LRMDA: variants seen among roughly 807,000 people sequenced by gnomAD.
LRMDA encodes leucine-rich melanocyte differentiation-associated protein.
In LRMDA, 18 loss-of-function variants were observed where a neutral mutation model predicts 29.8. The observed-to-expected ratio is 0.60, with a 90% CI of 0.42 to 0.90. The LOEUF is 0.90. LRMDA is among the 40% of genes least tolerant of loss of function. LRMDA has a pLI of 0.00. For missense variants in LRMDA, 273 were observed against 273.9 expected (o/e 1.00, Z 0.02); for synonymous variants, 125 against 109.4 (o/e 1.14, Z -0.89).
At chr10:76,117,964 A>G (rs145755583) in intron 5 of LRMDA, among the ~76,000 whole-genome samples, 154 of 152,296 alleles carry the variant, frequency 1.0e-3, no homozygotes, top group African/African-American at 3.4e-3. Context: ...AACCCACAAT[A>G]AAACCTCATC....
rs572435423 is a variant in LRMDA at position 76,358,654 on chromosome 10, TC to T, written c.601+34172del. The stretch of plus-strand genomic sequence containing the variant: ...CTCTATCAGAGGAGCTGAACAAGAG[TC>T]CCATTAAAATGCTGGTGAAATAATT... On this transcript the variant is annotated intron_variant, in intron 6 of 6. Coordinates refer to ENST00000611255, the MANE Select transcript of LRMDA (RefSeq NM_001305581.2). Among the ~76,000 whole-genome samples, 535 of 152,166 alleles carry T rather than the reference TC, an allele frequency of 3.5e-3. 3 individuals carry two copies. The highest frequency in any genetic ancestry group is 0.011 in the African/African-American group (464 of 41,514).
Position 76,036,467 on chromosome 10 carries a change from G to A in LRMDA, c.258+333G>A, listed in dbSNP as rs148385967. ...AGAAAATAATGTCACCGCTGCAGAG[G>A]CAGCGAAGCCCAGTCTGTTTGCTTG... is the stretch of plus-strand genomic sequence containing the variant. On this transcript the variant is annotated intron_variant, in intron 3 of 6. Transcript: ENST00000611255. 7.1e-3 allele frequency among the ~76,000 whole-genome samples: 1,088 copies of A among 152,314 alleles called. 20 individuals are homozygous for A. Among genetic ancestry groups the A allele is most frequent in the African/African-American group, 0.023 (973 of 41,574 alleles).
At chr10:75,811,336 C>A (rs894666953) in intron 2 of LRMDA, among the ~76,000 whole-genome samples, 5 of 152,110 alleles carry the variant, frequency 3.3e-5, no homozygotes, top group Non-Finnish European at 5.9e-5. Flanking sequence ...GTGGTCATAG[C>A]AACATCTTGC....
chr10:76,536,907 T>C (rs1346144684), intron 6 of LRMDA, among the ~76,000 whole-genome samples: 1 of 152,236 alleles, frequency 6.6e-6, no homozygotes, highest in African/African-American at 2.4e-5. Context: ...CCTGAATTAC[T>C]ATGTTGGTGC....
chr10:76,424,203 AC>A (rs1842099752), intron 6 of LRMDA, among the ~76,000 whole-genome samples: 1 of 152,158 alleles, frequency 6.6e-6, no homozygotes, highest in African/African-American at 2.4e-5. Flanking sequence ...TGATCTAGTG[AC>A]CCTCATGAAT....
chr10:75,806,442 AT>A (rs1403303096), intron 2 of LRMDA, among the ~76,000 whole-genome samples: 9 of 152,334 alleles, frequency 5.9e-5, no homozygotes, highest in East Asian at 3.9e-4. Flanking sequence ...AAGGAGAGAT[AT>A]TCCTCTGTAA....
chr10:75,556,637 A>G lies in LRMDA; in HGVS notation c.131+118143A>G, dbSNP rs374939799. ...TGATTTTTAAAAAATCTACATGGCT[A>G]TTTAGCCCCTGAACTCTGACATTGT... On this transcript the variant is annotated intron_variant, in intron 2 of 6. Transcript: ENST00000611255. 1.7e-4 allele frequency among the ~76,000 whole-genome samples: 26 copies of G among 152,104 alleles called. No homozygotes were observed. The South Asian group carries it at 5.2e-3, about 30-fold the overall frequency.
At chr10:76,292,961 G>A (rs184683510) in intron 5 of LRMDA, among the ~76,000 whole-genome samples, 21 of 152,268 alleles carry the variant, frequency 1.4e-4, no homozygotes, top group Non-Finnish European at 2.4e-4. Flanking sequence ...GGGAAACAGT[G>A]TGTGTATTTA....
intron 5 of LRMDA, among the ~76,000 whole-genome samples, chr10:76,244,767 C>T (rs984821840): frequency 7.9e-5 from 12 of 152,082 alleles, no homozygotes; most frequent in Non-Finnish European, 1.2e-4. Flanking sequence ...CCTAGAAAGT[C>T]GTGATTGATT....
At chr10:75,613,569 C>T (rs1306636655) in intron 2 of LRMDA, among the ~76,000 whole-genome samples, 1 of 152,212 alleles carries the variant, frequency 6.6e-6, no homozygotes, top group East Asian at 1.9e-4. Flanking sequence ...GAGGATTCTG[C>T]AGCACCTTTA....
intron 2 of LRMDA, among the ~76,000 whole-genome samples, chr10:75,819,981 T>C (rs188262343): frequency 2.1e-4 from 32 of 152,306 alleles, no homozygotes; most frequent in Middle Eastern, 3.4e-3. Flanking sequence ...ATTCTAAATA[T>C]ACATGCACCA....
At chr10:76,142,373 G>C (rs1032581339) in intron 5 of LRMDA, among the ~76,000 whole-genome samples, 1 of 152,076 alleles carries the variant, frequency 6.6e-6, no homozygotes, top group Admixed American at 6.5e-5. Flanking sequence ...GTCCTCTTCA[G>C]TGTAATCATT....
chr10:75,783,536 G>A (rs939785368), intron 2 of LRMDA, among the ~76,000 whole-genome samples: 4 of 151,334 alleles, frequency 2.6e-5, no homozygotes, highest in Non-Finnish European at 5.9e-5. Flanking sequence ...TTATAGGATA[G>A]GGTATCTACT....
rs192831112 is a variant in LRMDA, at chr10:75,692,468, C to T, written c.131+253974C>T. Among the ~76,000 whole-genome samples, 490 of 150,396 alleles carry T rather than the reference C, an allele frequency of 3.3e-3. 3 individuals carry two copies. The highest frequency in any genetic ancestry group is 9.9e-3 in the African/African-American group (407 of 41,048). On this transcript the variant is annotated intron_variant, in intron 2 of 6. Transcript: ENST00000611255. ...ATATGTATATACAAGTGTATACACA[C>T]ATACACATACACACGTATACATATA...
intron 2 of LRMDA, among the ~76,000 whole-genome samples, chr10:75,827,743 A>G (rs902603878): frequency 4.6e-5 from 7 of 152,228 alleles, no homozygotes; most frequent in Non-Finnish European, 4.4e-5. Context: ...AATGTACGTT[A>G]TCCATCTTGT....
At chr10:75,807,880 A>G (rs1040643833) in intron 2 of LRMDA, among the ~76,000 whole-genome samples, 2 of 152,314 alleles carry the variant, frequency 1.3e-5, no homozygotes, top group East Asian at 1.9e-4. Context: ...TTTCTGAGCA[A>G]TGGACATATT....
chr10:75,480,520 A>T (rs539620662), intron 2 of LRMDA, among the ~76,000 whole-genome samples: 9 of 152,376 alleles, frequency 5.9e-5, no homozygotes, highest in Non-Finnish European at 1.0e-4. Context: ...TGGGAGCTGA[A>T]GAGTGATTCA....
chr10:75,830,953 T>A (rs1013300391), intron 2 of LRMDA, among the ~76,000 whole-genome samples: 9 of 152,194 alleles, frequency 5.9e-5, no homozygotes, highest in Non-Finnish European at 1.3e-4. Flanking sequence ...AGTACAGGAA[T>A]TGGGTAAATA....
At chr10:76,379,161 TTGTGTGTGTGTGTGTGTGTG>T (rs57245101) in intron 6 of LRMDA, among the ~76,000 whole-genome samples, 1 of 137,932 alleles carries the variant, frequency 7.2e-6, no homozygotes, top group African/African-American at 2.7e-5. Context: ...CTGGCCTTCT[TTGTGTGTGTGTGTGTGTGTG>T]TGTGTGTGTG....
Sources: allele counts gnomAD v4.1 joint callset (sites outside exome capture counted in the v4.1 genomes callset), GRCh38; gene constraint gnomAD v4.1.1; transcripts MANE v1.5; gene names NCBI Gene and HGNC (gene_info 2026-07-23, HGNC 2026-07-21).